IFT140: variants seen among roughly 807,000 people sequenced by gnomAD.
IFT140 encodes the protein intraflagellar transport 140, also known as intraflagellar transport protein 140 homolog.
Under a neutral mutation model 164.6 loss-of-function variants are expected in IFT140, and 133 were observed. That is an observed-to-expected ratio of 0.81 (90% CI 0.70 to 0.93). IFT140 has a LOEUF of 0.93. IFT140 is among the 40% of genes least tolerant of loss of function. The probability of loss-of-function intolerance (pLI) is 0.00; values close to 1 mark genes in which losing one functional copy is unlikely to be tolerated. For missense variants in IFT140, 2,045 were observed against 1,972.3 expected, an observed-to-expected ratio of 1.04 and a Z score of -0.70; for synonymous variants, 860 against 817.3, an observed-to-expected ratio of 1.05 and a Z score of -0.89.
At chr16:1,586,506 T>C (rs1485078677) in intron 9 of IFT140, among the ~76,000 whole-genome samples, 1 of 152,084 alleles carries the variant, frequency 6.6e-6, no homozygotes, top group East Asian at 1.9e-4. Context: ...TAGAGGCCAG[T>C]TGGCCTGGCT....
intron 19 of IFT140, among the ~76,000 whole-genome samples, chr16:1,543,590 G>A (rs529416832): frequency 1.3e-5 from 2 of 152,344 alleles, no homozygotes; most frequent in East Asian, 1.9e-4. Context: ...AAACTAACGT[G>A]AGCCTCTGCA....
chr16:1,564,316 T>C lies in IFT140; in HGVS notation c.1902-154A>G, dbSNP rs2033595643. ...GAGAACTTTTGGGGTCTCACTGCCA[T>C]GCGCCCTACTGGAACATGTTCTCAG... On this transcript the variant is annotated intron_variant, in intron 16 of 30. Coordinates refer to ENST00000426508, the MANE Select transcript of IFT140 (RefSeq NM_014714.4). The surrounding 1 kb of genome is among the most constrained non-coding windows in gnomAD (Gnocchi z 5.5). Among the ~76,000 whole-genome samples the C allele has an allele frequency of 1.3e-5, 2 of 152,198 alleles. No homozygotes were observed. The highest frequency in any genetic ancestry group is 6.5e-5 in the Admixed American group (1 of 15,268).
In IFT140 at chr16:1,580,947, C is replaced by T. The variant is rs986340627; in HGVS notation, c.1433-97G>A. 8.8e-6 allele frequency: 7 copies of T among 791,650 alleles called. No homozygotes were observed. In the African/African-American group the frequency reaches 1.0e-4, roughly 11 times the overall value. The allele number at this position is 791,650 out of a possible 1,614,324, so 49.0% of individuals were successfully genotyped here. A position where few individuals can be genotyped will look rare whatever the true frequency, so the allele number is the denominator to read the frequency against. On this transcript the variant is annotated intron_variant, in intron 12 of 30. Transcript: ENST00000426508. ...CCCACACACGATCCCTAATTAATCT[C>T]AGCCTCACCACAGCTTCATAGGGGT...
intron 16 of IFT140, among the ~76,000 whole-genome samples, chr16:1,565,781 C>T (rs1370410442): frequency 6.6e-6 from 1 of 152,250 alleles, no homozygotes; most frequent in Admixed American, 6.5e-5. Flanking sequence ...ATAGTGAAGA[C>T]AGACGATTGT....
At chr16:1,545,950 C>A (rs1416346159) in intron 19 of IFT140, among the ~76,000 whole-genome samples, 1 of 152,218 alleles carries the variant, frequency 6.6e-6, no homozygotes, top group African/African-American at 2.4e-5. Context: ...GTGCGGGGAC[C>A]CCACTGTCCT....
At chr16:1,570,868 A>AC (rs1427291297) in intron 14 of IFT140, among the ~76,000 whole-genome samples, 2 of 151,834 alleles carry the variant, frequency 1.3e-5, no homozygotes, top group Non-Finnish European at 2.9e-5. Context: ...CAATCCTCCC[A>AC]CCTCAGCCTC....
In IFT140 at chr16:1,565,559, T is replaced by C. The variant is rs552543425; in HGVS notation, c.1901+602A>G. 1.1e-4 allele frequency among the ~76,000 whole-genome samples: 17 copies of C among 152,318 alleles called. No homozygotes were observed. The South Asian group carries it at 3.5e-3, about 32-fold the overall frequency. ...CCCGAGCCCAGCCTTGTAACTGCTC[T>C]GCTCCTCTGTGAGCATATGCAGGCC... is the stretch of plus-strand genomic sequence containing the variant. On this transcript the variant is annotated intron_variant, in intron 16 of 30. Transcript: ENST00000426508.
At chr16:1,589,887 G>A in intron 6 of IFT140, 107 bp from the exon 7 acceptor site, 1 of 1,048,392 alleles carries the variant, frequency 9.5e-7, no homozygotes, top group South Asian at 1.6e-5. Flanking sequence ...TCAAAGCAAA[G>A]CATCTTCAGT....
At chr16:1,611,601 G>C (rs926255629) in intron 1 of IFT140, among the ~76,000 whole-genome samples, 2 of 152,012 alleles carry the variant, frequency 1.3e-5, no homozygotes, top group African/African-American at 4.8e-5. Flanking sequence ...GATCACTTGA[G>C]GTCAGGAGTT....
At chr16:1,556,438 C>A (rs908813851) in intron 19 of IFT140, among the ~76,000 whole-genome samples, 1 of 152,246 alleles carries the variant, frequency 6.6e-6, no homozygotes, top group Non-Finnish European at 1.5e-5. Context: ...CTGCTGGCAT[C>A]GGCCAAAAGG....
chr16:1,584,905 T>C (rs927492881), intron 10 of IFT140, among the ~76,000 whole-genome samples: 2 of 152,094 alleles, frequency 1.3e-5, no homozygotes, highest in Non-Finnish European at 2.9e-5. Flanking sequence ...AAATTCCATA[T>C]AGGAAAAAAC....
intron 30 of IFT140, among the ~76,000 whole-genome samples, chr16:1,513,885 A>G (rs74430146): frequency 0.42 from 55,850 of 134,060 alleles, 14,579 homozygotes; most frequent in African/African-American, 0.74. Context: ...GTGTTAGCCA[A>G]GATGGTCTCC....
intron 3 of IFT140, among the ~76,000 whole-genome samples, chr16:1,604,114 G>A (rs2035928895): frequency 6.6e-6 from 1 of 152,184 alleles, no homozygotes; most frequent in South Asian, 2.1e-4. Context: ...ATAGGCTCCT[G>A]CAAGGGAGAA....
At chr16:1,521,210 G>A (rs753953529) in intron 26 of IFT140, among the ~76,000 whole-genome samples, 6 of 151,370 alleles carry the variant, frequency 4.0e-5, no homozygotes, top group Non-Finnish European at 8.8e-5. Context: ...CCTCCCCAGG[G>A]TCAGGTGATC....
chr16:1,591,376 C>T (rs1012129232), intron 6 of IFT140, among the ~76,000 whole-genome samples: 6 of 152,180 alleles, frequency 3.9e-5, no homozygotes, highest in African/African-American at 1.4e-4. Context: ...ATGTCTTCAC[C>T]TTCTAAAATG....
In IFT140 at chr16:1,534,663, T is replaced by A. The variant is rs906659812; in HGVS notation, c.2400-7867A>T. 11 of 1,514,580 alleles carry A rather than the reference T, an allele frequency of 7.3e-6. No homozygotes were observed. In the African/African-American group the frequency reaches 1.5e-4, roughly 21 times the overall value. 93.8% of individuals were successfully genotyped at this position (1,514,580 alleles called of 1,614,324 possible). A position where few individuals can be genotyped will look rare whatever the true frequency, so the allele number is the denominator to read the frequency against. ...GCGGGTGGGGAGGCCTGGCCCCTGC[T>A]CTGCCCTGAGCGTGGCCTCTGGGCA... On this transcript the variant is annotated intron_variant, in intron 19 of 30. Coordinates refer to ENST00000426508, the MANE Select transcript of IFT140 (RefSeq NM_014714.4).
At chr16:1,540,654 CTG>C (rs2031544423) in intron 19 of IFT140, among the ~76,000 whole-genome samples, 1 of 152,238 alleles carries the variant, frequency 6.6e-6, no homozygotes, top group Non-Finnish European at 1.5e-5. Context: ...ATTCTGGTGT[CTG>C]TGATGGATGC....
chr16:1,525,909 C>T lies in IFT140; in HGVS notation c.2746G>A (p.Asp916Asn), dbSNP rs568921640. Residue 916 changes from aspartate to asparagine, a missense_variant, in exon 21 of 31, where the codon GAC becomes AAC. Asp to Asn is a conservative substitution (Grantham distance 23). Coordinates refer to ENST00000426508, the MANE Select transcript of IFT140 (RefSeq NM_014714.4). Reference protein sequence around the residue: ...RYAGHLEASADCSRALSYYEK... With the variant: ...RYAGHLEASANCSRALSYYEK... Reference sequence around the variant, plus strand: ...CACTAACTGAGGGCCCGGCTGCAGTCGGCGCTGGCCTCCAGGTGCCCGGCA... The same window carrying T: ...CACTAACTGAGGGCCCGGCTGCAGTTGGCGCTGGCCTCCAGGTGCCCGGCA... 3.0e-5 allele frequency: 46 copies of T among 1,554,778 alleles called. No homozygotes were observed. The highest frequency in any genetic ancestry group is 2.2e-4 in the South Asian group (19 of 84,676).
At chr16:1,597,077 G>A (rs1379953251) in intron 4 of IFT140, among the ~76,000 whole-genome samples, 2 of 152,134 alleles carry the variant, frequency 1.3e-5, no homozygotes, top group African/African-American at 4.8e-5. Flanking sequence ...ATCAGAGTGC[G>A]AGTTAAAGTG....
Sources: gnomAD v4.1 joint callset for allele counts (sites outside exome capture counted in the v4.1 genomes callset) on GRCh38, gnomAD v4.1.1 for gene constraint, Gnocchi (gnomAD v3.1) non-coding constraint, MANE v1.5 for transcripts, NCBI Gene and HGNC (gene_info 2026-07-23, HGNC 2026-07-21) for gene names.